Variants in UBTD2 observed in about 807,000 individuals in gnomAD.
UBTD2 encodes ubiquitin domain containing 2.
Under a neutral mutation model 19.8 loss-of-function variants are expected in UBTD2, and 9 were observed. The observed-to-expected ratio is 0.46, with a 90% CI of 0.27 to 0.79. The LOEUF is 0.79. Among genes scored for constraint, UBTD2 ranks in the 30% least tolerant of loss-of-function variants. The probability of loss-of-function intolerance (pLI) is 0.14; values close to 1 mark genes in which losing one functional copy is unlikely to be tolerated. For synonymous variants in UBTD2, 98 were observed against 103.9 expected, an observed-to-expected ratio of 0.94 and a Z score of 0.35; for missense variants, 250 against 300.4, an observed-to-expected ratio of 0.83 and a Z score of 1.24.
At chr5:172,236,750 T>A (rs1462527126) in intron 1 of UBTD2, among the ~76,000 whole-genome samples, 1 of 152,222 alleles carries the variant, frequency 6.6e-6, no homozygotes, top group Non-Finnish European at 1.5e-5. Context: ...ATGTATTAAA[T>A]GCATGAGAGA....
At position 172,213,551 on chromosome 5, in the gene UBTD2, A is replaced by G. The variant is rs534404442; in HGVS notation, c.308-1324T>C. ...AGCTCAGGGAAGGGAAAAAGCACTCAAGGTTTTAAAAAAATGCATTAATGG... is the reference window on the plus strand; with the variant it reads ...AGCTCAGGGAAGGGAAAAAGCACTCGAGGTTTTAAAAAAATGCATTAATGG... On this transcript the variant is annotated intron_variant, in intron 2 of 2. Coordinates refer to ENST00000393792, the MANE Select transcript of UBTD2 (RefSeq NM_152277.3). Among the ~76,000 whole-genome samples the G allele has an allele frequency of 1.2e-4, 18 of 152,354 alleles. 2 individuals carry two copies. The highest frequency in any genetic ancestry group is 4.3e-4 in the African/African-American group (18 of 41,580).
Position 172,211,419 on chromosome 5 carries a change from T to C in UBTD2, c.*411A>G, listed in dbSNP as rs1013924939. The C allele has an allele frequency of 6.4e-6, 1 of 155,150 alleles. No homozygotes were observed. The highest frequency in any genetic ancestry group is 2.4e-5 in the African/African-American group (1 of 41,518). 9.6% of individuals were successfully genotyped at this position (155,150 alleles called of 1,614,324 possible). ...GGTTAAGTTTTATATCCATTATTTA[T>C]GGTTTCTGGAAATTATATAATTTGA... On this transcript the variant is annotated 3_prime_UTR_variant, in exon 3 of 3. Transcript: ENST00000393792.
intron 1 of UBTD2, among the ~76,000 whole-genome samples, chr5:172,278,180 G>A (rs1755644654): frequency 1.3e-5 from 2 of 152,160 alleles, no homozygotes; most frequent in Middle Eastern, 6.8e-3. Flanking sequence ...GAAAGAACTG[G>A]AAACAGAGAT....
At chr5:172,268,853 A>G (rs1009703984) in intron 1 of UBTD2, among the ~76,000 whole-genome samples, 31 of 152,298 alleles carry the variant, frequency 2.0e-4, no homozygotes, top group East Asian at 1.2e-3. Context: ...GATTTTGGGG[A>G]AAAAAACCCA....
intron 1 of UBTD2, among the ~76,000 whole-genome samples, chr5:172,268,165 T>C (rs1188969751): frequency 1.3e-5 from 2 of 152,168 alleles, no homozygotes; most frequent in East Asian, 3.8e-4. Flanking sequence ...ATAGCCATGA[T>C]AGAAGTTTTT....
Position 172,270,038 on chromosome 5 carries a change from T to C in UBTD2, c.70+13558A>G, listed in dbSNP as rs370046513. On this transcript the variant is annotated intron_variant, in intron 1 of 2. Coordinates refer to ENST00000393792, the MANE Select transcript of UBTD2 (RefSeq NM_152277.3). The stretch of plus-strand genomic sequence containing the variant: ...GTTGCAGTGAGCCGAGATCACGCCA[T>C]TGCACTCCAGCCTGGGCGACAGAGC... Among the ~76,000 whole-genome samples the C allele has an allele frequency of 1.9e-4, 28 of 151,072 alleles. 1 individual carries two copies. The East Asian group carries it at 5.5e-3, about 30-fold the overall frequency.
At position 172,211,811 on chromosome 5, in the gene UBTD2, C is replaced by A; in HGVS notation, c.*19G>T. 6.4e-7 allele frequency: 1 copy of A among 1,566,420 alleles called. No homozygotes were observed. Among genetic ancestry groups the A allele is most frequent in the Non-Finnish European group, 8.7e-7 (1 of 1,154,388 alleles). Reference sequence around the variant, plus strand: ...AAAAAGGAGCAGAGGGATGTGGGAGCTGGCCAACAGGGCTCAGTTCAGTTC... The same window carrying A: ...AAAAAGGAGCAGAGGGATGTGGGAGATGGCCAACAGGGCTCAGTTCAGTTC... On this transcript the variant is annotated 3_prime_UTR_variant, in exon 3 of 3. Transcript: ENST00000393792.
chr5:172,221,533 G>C (rs768840522), intron 2 of UBTD2, among the ~76,000 whole-genome samples: 10 of 152,070 alleles, frequency 6.6e-5, no homozygotes, highest in Non-Finnish European at 1.5e-4. Context: ...AAGTGAGCCA[G>C]TAAGTCATGA....
At chr5:172,217,255 T>C (rs1241739537) in intron 2 of UBTD2, among the ~76,000 whole-genome samples, 2 of 113,894 alleles carry the variant, frequency 1.8e-5, no homozygotes, top group Non-Finnish European at 3.7e-5. Context: ...GTAGTAAAAA[T>C]ACAAAAAAAA....
intron 2 of UBTD2, among the ~76,000 whole-genome samples, chr5:172,229,958 T>C (rs1037569465): frequency 1.1e-4 from 17 of 151,938 alleles, no homozygotes; most frequent in African/African-American, 3.6e-4. Flanking sequence ...TAGCAATCAA[T>C]GAGAAAAAGG....
intron 1 of UBTD2, among the ~76,000 whole-genome samples, chr5:172,275,086 A>G (rs1755580320): frequency 2.0e-5 from 3 of 152,176 alleles, no homozygotes; most frequent in African/African-American, 4.8e-5. Context: ...AAAGAAGTCT[A>G]ATTGACTCAC....
intron 1 of UBTD2, among the ~76,000 whole-genome samples, chr5:172,261,507 T>G (rs960577754): frequency 6.6e-6 from 1 of 152,208 alleles, no homozygotes; most frequent in Admixed American, 6.5e-5. Flanking sequence ...GCAAAGGTAA[T>G]GAGAAAGAAC....
chr5:172,210,715 T>C lies in UBTD2; in HGVS notation c.*1115A>G, dbSNP rs891766353. ...TATTTGGTCTCACTGCTAATGTTTA[T>C]GTGACACCAGTAAATCTTTCACACT... On this transcript the variant is annotated 3_prime_UTR_variant, in exon 3 of 3. Transcript: ENST00000393792. 3.3e-5 allele frequency: 5 copies of C among 152,198 alleles called. No individual in the cohort carries two copies. The highest frequency in any genetic ancestry group is 7.3e-5 in the Non-Finnish European group (5 of 68,038). 9.4% of individuals were successfully genotyped at this position (152,198 alleles called of 1,614,324 possible).
intron 1 of UBTD2, among the ~76,000 whole-genome samples, chr5:172,242,721 G>T (rs542165067): frequency 6.6e-6 from 1 of 152,188 alleles, no homozygotes; most frequent in Non-Finnish European, 1.5e-5. Flanking sequence ...TACAGGGGGT[G>T]ATCTCTGACA....
At chr5:172,241,842 A>C (rs572396254) in intron 1 of UBTD2, among the ~76,000 whole-genome samples, 1 of 152,302 alleles carries the variant, frequency 6.6e-6, no homozygotes, top group African/African-American at 2.4e-5. Context: ...AACACGGCGA[A>C]ACCTCATCTC....
chr5:172,241,837 G>A (rs1024745098), intron 1 of UBTD2, among the ~76,000 whole-genome samples: 10 of 152,070 alleles, frequency 6.6e-5, no homozygotes, highest in Non-Finnish European at 1.5e-5. Flanking sequence ...TGGCCAACAC[G>A]GCGAAACCTC....
At chr5:172,225,933 CTTTTTTTTTT>C (rs57155195) in intron 2 of UBTD2, among the ~76,000 whole-genome samples, 13,667 of 107,612 alleles carry the variant, frequency 0.13, 848 homozygotes, top group East Asian at 0.35. Flanking sequence ...GGCTTAAACT[CTTTTTTTTTT>C]TTTTTTTTTT....
At chr5:172,275,171 C>G (rs777630179) in intron 1 of UBTD2, among the ~76,000 whole-genome samples, 8 of 152,200 alleles carry the variant, frequency 5.3e-5, no homozygotes, top group Non-Finnish European at 2.9e-5. Flanking sequence ...TCCTTGTTCA[C>G]ATGGCAGGAG....
At chr5:172,222,413 G>A (rs756976081) in intron 2 of UBTD2, among the ~76,000 whole-genome samples, 6 of 152,174 alleles carry the variant, frequency 3.9e-5, no homozygotes, top group Non-Finnish European at 7.3e-5. Context: ...AAGTGAGTAG[G>A]GCATGTCACT....
Sources: gnomAD v4.1 joint callset for allele counts (sites outside exome capture counted in the v4.1 genomes callset) on GRCh38, gnomAD v4.1.1 for gene constraint, MANE v1.5 for transcripts, NCBI Gene and HGNC (gene_info 2026-07-23, HGNC 2026-07-21) for gene names.